The following DCLK2 variants were observed in gnomAD, a reference collection of about 807,000 sequenced individuals.
DCLK2 encodes the protein doublecortin like kinase 2, also known as serine/threonine-protein kinase DCLK2.
Under a neutral mutation model 78.4 loss-of-function variants are expected in DCLK2, and 31 were observed. That is an observed-to-expected ratio of 0.40 (90% CI 0.30 to 0.53). The LOEUF is 0.53. Among genes scored for constraint, DCLK2 ranks in the 20% least tolerant of loss-of-function variants. The pLI is 0.61. For missense variants in DCLK2, 872 were observed against 973.7 expected, an observed-to-expected ratio of 0.90 and a Z score of 1.39; for synonymous variants, 407 against 374.9, an observed-to-expected ratio of 1.09 and a Z score of -0.99.
intron 12 of DCLK2, among the ~76,000 whole-genome samples, chr4:150,243,967 C>T (rs1743113234): frequency 6.6e-6 from 1 of 150,780 alleles, no homozygotes; most frequent in Non-Finnish European, 1.5e-5. Flanking sequence ...GAGACAGGGT[C>T]TCTGTTGACC....
chr4:150,106,633 G>A (rs910681472), intron 2 of DCLK2, among the ~76,000 whole-genome samples: 3 of 152,106 alleles, frequency 2.0e-5, no homozygotes, highest in African/African-American at 7.2e-5. Context: ...TAACTTTTAG[G>A]CAATTCACCA....
chr4:150,090,556 C>T (rs1009321438), intron 1 of DCLK2, among the ~76,000 whole-genome samples: 80 of 115,816 alleles, frequency 6.9e-4, no homozygotes, highest in African/African-American at 2.3e-3. Flanking sequence ...CTGCTGGTTC[C>T]ATCCTACCCA....
intron 1 of DCLK2, among the ~76,000 whole-genome samples, chr4:150,089,076 A>G (rs572306495): frequency 9.1e-6 from 1 of 109,964 alleles, no homozygotes; most frequent in South Asian, 2.6e-4. Flanking sequence ...GGTAATGCAG[A>G]TATTCCAAAA....
At chr4:150,109,254 C>A (rs1731482458) in intron 2 of DCLK2, among the ~76,000 whole-genome samples, 1 of 151,824 alleles carries the variant, frequency 6.6e-6, no homozygotes, top group South Asian at 2.1e-4. Flanking sequence ...ATTTATTTAA[C>A]CTTGTTTTAA....
At chr4:150,171,788 C>A (rs535579931) in intron 2 of DCLK2, among the ~76,000 whole-genome samples, 13 of 152,336 alleles carry the variant, frequency 8.5e-5, no homozygotes, top group Middle Eastern at 3.4e-3. Context: ...ATTACCACAA[C>A]TTCCATTGTC....
At chr4:150,222,180 C>G (rs2126534018) in intron 7 of DCLK2, among the ~76,000 whole-genome samples, 1 of 152,060 alleles carries the variant, frequency 6.6e-6, no homozygotes, top group East Asian at 1.9e-4. Context: ...GTCCTAGGCT[C>G]CTTGCTTCAA....
chr4:150,108,070 C>A (rs7674917), intron 2 of DCLK2, among the ~76,000 whole-genome samples: 16,464 of 152,102 alleles, frequency 0.11, 927 homozygotes, highest in Middle Eastern at 0.13. Context: ...TTTCTAAAAA[C>A]AAAATATATA....
At chr4:150,090,306 T>C (rs1038405539) in intron 1 of DCLK2, among the ~76,000 whole-genome samples, 8 of 152,200 alleles carry the variant, frequency 5.3e-5, no homozygotes, top group Non-Finnish European at 1.2e-4. Context: ...CTCGGGAGGC[T>C]GAGGCAGGAG....
chr4:150,092,753 C>A (rs1036403058), intron 1 of DCLK2, among the ~76,000 whole-genome samples: 1 of 152,136 alleles, frequency 6.6e-6, no homozygotes, highest in African/African-American at 2.4e-5. Flanking sequence ...AACATGTTTT[C>A]ATGATGAAAA....
chr4:150,171,468 G>A (rs1179465569), intron 2 of DCLK2, among the ~76,000 whole-genome samples: 1 of 152,178 alleles, frequency 6.6e-6, no homozygotes, highest in Non-Finnish European at 1.5e-5. Context: ...GCGACAGAGC[G>A]AGACTCCGTC....
At chr4:150,121,917 T>G (rs545506787) in intron 2 of DCLK2, among the ~76,000 whole-genome samples, 1 of 152,350 alleles carries the variant, frequency 6.6e-6, no homozygotes, top group Non-Finnish European at 1.5e-5. Flanking sequence ...AGTAATATTT[T>G]GAAATGAATT....
chr4:150,101,766 A>G (rs1338371498), intron 1 of DCLK2, among the ~76,000 whole-genome samples: 8 of 152,198 alleles, frequency 5.3e-5, no homozygotes, highest in South Asian at 2.1e-4. Flanking sequence ...TTTCATGAGT[A>G]ATGAACACAT....
chr4:150,160,141 A>G (rs991226319), intron 2 of DCLK2, among the ~76,000 whole-genome samples: 1 of 151,948 alleles, frequency 6.6e-6, no homozygotes, highest in African/African-American at 2.4e-5. Flanking sequence ...CAGCCTCTTT[A>G]AGTAGCTGGG....
rs1732838627 is a variant in DCLK2 at position 150,125,232 on chromosome 4, T to C, written c.756+22420T>C. 2.0e-5 allele frequency among the ~76,000 whole-genome samples: 3 copies of C among 152,214 alleles called. No individual in the cohort carries two copies. In the South Asian group the frequency reaches 6.2e-4, roughly 32 times the overall value. On this transcript the variant is annotated intron_variant, in intron 2 of 15. Coordinates refer to ENST00000296550, the MANE Select transcript of DCLK2 (RefSeq NM_001040260.4). Reference sequence around the variant, plus strand: ...CATGTTGGATATAATCAGGATGCATTTATCTTATGAATCTCTGGACATTTT... The same window carrying C: ...CATGTTGGATATAATCAGGATGCATCTATCTTATGAATCTCTGGACATTTT...
intron 2 of DCLK2, among the ~76,000 whole-genome samples, chr4:150,148,616 C>T (rs1734648778): frequency 6.6e-6 from 1 of 151,862 alleles, no homozygotes; most frequent in African/African-American, 2.4e-5. Flanking sequence ...CACTTTGATT[C>T]ACCACAAATT....
intron 2 of DCLK2, among the ~76,000 whole-genome samples, chr4:150,172,766 G>C (rs544628209): frequency 2.8e-4 from 40 of 143,448 alleles, no homozygotes; most frequent in African/African-American, 7.6e-4. Context: ...TTTTTGGGGG[G>C]GGGGGGGATA....
At chr4:150,191,232 G>T (rs1362452335) in intron 2 of DCLK2, among the ~76,000 whole-genome samples, 1 of 152,030 alleles carries the variant, frequency 6.6e-6, no homozygotes, top group Non-Finnish European at 1.5e-5. Flanking sequence ...AGGGTTGGGG[G>T]TCAGTTGAAT....
intron 2 of DCLK2, among the ~76,000 whole-genome samples, chr4:150,153,576 A>G (rs1188996229): frequency 4.6e-5 from 7 of 151,618 alleles, no homozygotes; most frequent in African/African-American, 1.7e-4. Context: ...TGCCTGGCTA[A>G]TTTTTAAATA....
At chr4:150,119,618 C>T (rs1248533455) in intron 2 of DCLK2, among the ~76,000 whole-genome samples, 2 of 152,116 alleles carry the variant, frequency 1.3e-5, no homozygotes, top group African/African-American at 4.8e-5. Context: ...TTCCTCTTAC[C>T]ACCTCCACCT....
Sources: gnomAD v4.1 joint callset for allele counts (sites outside exome capture counted in the v4.1 genomes callset) on GRCh38, gnomAD v4.1.1 for gene constraint, MANE v1.5 for transcripts, NCBI Gene and HGNC (gene_info 2026-07-23, HGNC 2026-07-21) for gene names.